Variants in HRNR observed in about 807,000 individuals in gnomAD.
HRNR encodes hornerin.
Under a neutral mutation model 4.8 loss-of-function variants are expected in HRNR, and 7 were observed. The observed-to-expected ratio is 1.47, with a 90% CI of 0.83 to 2.75. The LOEUF (loss-of-function observed/expected upper bound fraction) is 2.75, where lower values mean the gene tolerates loss of function less well. Ranked by LOEUF, HRNR falls within the 30% of genes most tolerant of loss-of-function variation. The pLI is 0.00. For missense variants in HRNR, 2,879 were observed against 3,010.4 expected (o/e 0.96, Z 1.02); for synonymous variants, 1,023 against 1,242.7 (o/e 0.82, Z 3.72).
At chr1:152,222,591 G>C (rs752233466) in intron 2 of HRNR, among the ~76,000 whole-genome samples, 3 of 152,124 alleles carry the variant, frequency 2.0e-5, no homozygotes, top group Admixed American at 6.5e-5. Flanking sequence ...GAAGGAAAAA[G>C]GTTAGTGGGG....
At position 152,220,246 on chromosome 1, in the gene HRNR, G is replaced by T; in HGVS notation, c.1383C>A (p.Tyr461Ter). 6.2e-7 allele frequency: 1 copy of T among 1,613,214 alleles called. No individual in the cohort carries two copies. The highest frequency in any genetic ancestry group is 8.5e-7 in the Non-Finnish European group (1 of 1,179,564). Residue 461 changes from tyrosine (Y) to a stop codon, truncating the protein, a stop_gained, in exon 3 of 3, where the codon TAC becomes TAA. Transcript: ENST00000368801. LOFTEE classifies it low-confidence loss of function (END_TRUNC). ...SSGPYVSGSG[Y>*]SSGFGHHESS... ...ACTCGTGGTGACCAAAGCCAGAAGA[G>T]TAGCCTGAACCAGACACATATGGGC...
chr1:152,219,855 C>T lies in HRNR; in HGVS notation c.1774G>A (p.Gly592Arg), dbSNP rs1648877531. The T allele has an allele frequency of 6.2e-7, 1 of 1,613,866 alleles. No homozygotes were observed. The highest frequency in any genetic ancestry group is 1.3e-5 in the African/African-American group (1 of 74,856). Reference sequence around the variant, plus strand: ...TGTTGACCGTAGCCAGAGGACTGTCCTGAGCGAGACTCTTGGTGACCTAAG... The same window carrying T: ...TGTTGACCGTAGCCAGAGGACTGTCTTGAGCGAGACTCTTGGTGACCTAAG... ...SGLGHQESRSGQSSGYGQHGS... is the reference protein window; with the variant it reads ...SGLGHQESRSRQSSGYGQHGS... The change falls in exon 3 of 3, where the codon GGA becomes AGA. Residue 592 changes from glycine (G) to arginine (R), a missense_variant. Transcript: ENST00000368801.
chr1:152,218,573 C>T lies in HRNR; in HGVS notation c.3056G>A (p.Gly1019Glu). The change falls in exon 3 of 3, where the codon GGG (glycine) becomes GAG (glutamate). Residue 1019 changes from glycine (G) to glutamate (E), a missense_variant. Gly to Glu is a moderately conservative substitution (Grantham distance 98). This residue lies in a region of HRNR where 2,646 missense variants were observed against 1,377.7 expected (regional missense o/e 1.92). Coordinates refer to ENST00000368801, the MANE Select transcript of HRNR (RefSeq NM_001009931.3). ...ATATGGGCCATAGCTGGAAGACTGCCCGGAACCAGACCCATGTCGGCCACG... is the reference window on the plus strand; with the variant it reads ...ATATGGGCCATAGCTGGAAGACTGCTCGGAACCAGACCCATGTCGGCCACG... ...PSRGRHGSGS[G>E]QSSSYGPYRS... 1 of 1,613,836 alleles carries T rather than the reference C, an allele frequency of 6.2e-7. No homozygotes were observed. Among genetic ancestry groups the T allele is most frequent in the Non-Finnish European group, 8.5e-7 (1 of 1,179,934 alleles).
In HRNR at chr1:152,219,941, T is replaced by C. The variant is rs150531413; in HGVS notation, c.1688A>G (p.Tyr563Cys). The change falls in exon 3 of 3, where the codon TAT (tyrosine) becomes TGT (cysteine). Residue 563 changes from tyrosine to cysteine, a missense_variant. Tyr to Cys is a radical substitution (Grantham distance 194, BLOSUM62 -2). Around this residue, in one of 8 missense-constraint regions of HRNR, gnomAD observed 2,646 missense variants for 1,377.7 expected, o/e 1.92. Coordinates refer to ENST00000368801, the MANE Select transcript of HRNR (RefSeq NM_001009931.3). ...ACGGCTTGAAGACCTCCCTGAGCCA[T>C]ACCCATGTGGGCCATAGCTGGAAGA... ...RQSSSYGPHG[Y>C]GSGRSSSRGP... is the part of the protein sequence containing the mutation. 6.2e-7 allele frequency: 1 copy of C among 1,604,148 alleles called. No homozygotes were observed. The highest frequency in any genetic ancestry group is 2.3e-5 in the East Asian group (1 of 44,236).
In HRNR at chr1:152,219,734, T is replaced by C. The variant is rs749142100; in HGVS notation, c.1895A>G (p.Gln632Arg). ...GCCATGCTGACCGTGGCTGGAAGAC[T>C]GACCTGAGGTAGCTCCATGTTGGCC... Reference protein sequence around the residue: ...SCGQHGATSGQSSSHGQHGSG... With the variant: ...SCGQHGATSGRSSSHGQHGSG... The change falls in exon 3 of 3, where the codon CAG becomes CGG. Residue 632 changes from glutamine to arginine, a missense_variant. Gln to Arg is a conservative substitution (Grantham distance 43, BLOSUM62 1). Coordinates refer to ENST00000368801, the MANE Select transcript of HRNR (RefSeq NM_001009931.3). 1.2e-6 allele frequency: 2 copies of C among 1,612,906 alleles called. No individual in the cohort carries two copies. The highest frequency in any genetic ancestry group is 8.5e-7 in the Non-Finnish European group (1 of 1,179,550).
chr1:152,223,022 A>C (rs1207221717), intron 2 of HRNR, 94 bp downstream of exon 2: 3 of 1,296,298 alleles, frequency 2.3e-6, no homozygotes, highest in African/African-American at 2.9e-5. Context: ...AAGTAAGGAC[A>C]ATCCTCTAGG....
rs577952034 is a variant in HRNR, at chr1:152,219,126, A to G, written c.2503T>C (p.Ser835Pro). ...GQGYSQHGSA[S>P]GHFSSQGRHG... is the part of the protein sequence containing the mutation. ...CGTCCCTGGCTAGAGAAGTGACCTG[A>G]GGCAGAACCATGCTGACTATAGCCC... The change falls in exon 3 of 3, where the codon TCA (serine) becomes CCA (proline). Residue 835 changes from serine (S) to proline (P), a missense_variant. This residue lies in a region of HRNR where 2,646 missense variants were observed against 1,377.7 expected (regional missense o/e 1.92). Transcript: ENST00000368801. 6.2e-7 allele frequency: 1 copy of G among 1,613,682 alleles called. No homozygotes were observed. Among genetic ancestry groups the G allele is most frequent in the Admixed American group, 1.7e-5 (1 of 59,978 alleles).
Position 152,219,264 on chromosome 1 carries a change from A to T in HRNR, c.2365T>A (p.Ser789Thr). The T allele has an allele frequency of 6.2e-7, 1 of 1,612,512 alleles. No individual in the cohort carries two copies. The highest frequency in any genetic ancestry group is 8.5e-7 in the Non-Finnish European group (1 of 1,179,386). Reference sequence around the variant, plus strand: ...CCAGACCCGTGTTGGCCGTGGCTGGAGGAGTGCCCTGAACTGGACCCATGT... The same window carrying T: ...CCAGACCCGTGTTGGCCGTGGCTGGTGGAGTGCCCTGAACTGGACCCATGT... ...VRHGSSSGHS[S>T]SHGQHGSGTS... The change falls in exon 3 of 3, where the codon TCC becomes ACC. Residue 789 changes from serine (S) to threonine (T), a missense_variant. This residue lies in a region of HRNR where 2,646 missense variants were observed against 1,377.7 expected (regional missense o/e 1.92). Coordinates refer to ENST00000368801, the MANE Select transcript of HRNR (RefSeq NM_001009931.3).
At position 152,218,970 on chromosome 1, in the gene HRNR, A is replaced by T; in HGVS notation, c.2659T>A (p.Ser887Thr). The T allele has an allele frequency of 3.1e-6, 5 of 1,608,622 alleles. No homozygotes were observed. The highest frequency in any genetic ancestry group is 2.3e-5 in the South Asian group (2 of 86,088). ...ASGRGRHGSG[S>T]GQSPGHGQRG... ...TGGCCGTGGCCTGGAGACTGGCCAG[A>T]TCCAGAGCCATGTCGGCCGCGGCCC... The change falls in exon 3 of 3, where the codon TCT becomes ACT. Residue 887 changes from serine (S) to threonine (T), a missense_variant. Coordinates refer to ENST00000368801, the MANE Select transcript of HRNR (RefSeq NM_001009931.3).
Position 152,218,452 on chromosome 1 carries a change from C to G in HRNR, c.3177G>C (p.Gln1059His), listed in dbSNP as rs1292276570. 6 of 1,613,800 alleles carry G rather than the reference C, an allele frequency of 3.7e-6. No individual in the cohort carries two copies. In the Admixed American group the frequency reaches 6.7e-5, roughly 18 times the overall value. The part of the protein sequence containing the change: ...GLGHRESRSG[Q>H]SSGYGQHGSS... ...ATCCATGTTGACCGTAGCCAGAGGA[C>G]TGTCCTGAGCGAGACTCTCGGTGAC... Residue 1059 changes from glutamine to histidine, a missense_variant, in exon 3 of 3, where the codon CAG becomes CAC. Gln to His is a conservative substitution (Grantham distance 24). Around this residue, in one of 8 missense-constraint regions of HRNR, gnomAD observed 2,646 missense variants for 1,377.7 expected, o/e 1.92. Coordinates refer to ENST00000368801, the MANE Select transcript of HRNR (RefSeq NM_001009931.3).
rs376146708 is a variant in HRNR at position 152,218,904 on chromosome 1, G to A, written c.2725C>T (p.His909Tyr). The A allele has an allele frequency of 1.2e-5, 19 of 1,613,452 alleles. No homozygotes were observed. Among genetic ancestry groups the A allele is most frequent in the Non-Finnish European group, 1.4e-5 (16 of 1,179,856 alleles). The change falls in exon 3 of 3, where the codon CAT becomes TAT. Residue 909 changes from histidine to tyrosine, a missense_variant. His to Tyr is a moderately conservative substitution (Grantham distance 83). This residue lies in a region of HRNR where 2,646 missense variants were observed against 1,377.7 expected (regional missense o/e 1.92). Transcript: ENST00000368801. ...GSGQSPSYGR[H>Y]GSGSGRSSSS... ...GAAGACCGACCGGAGCCAGACCCAT[G>A]TCGGCCATAGCTGGGAGACTGCCCT...
rs1185229678 is a variant in HRNR at position 152,221,424 on chromosome 1, C to G, written c.205G>C (p.Val69Leu). ...QSLDRDHNKK[V>L]DFTEYLLMIF... ...ATCAGAAGATACTCAGTAAAATCCA[C>G]TTTCTTGTTATGGTCTCGATCCAGA... The change falls in exon 3 of 3, where the codon GTG becomes CTG. Residue 69 changes from valine (V) to leucine (L), a missense_variant. Val to Leu is a conservative substitution (Grantham distance 32). This residue lies in a region of HRNR where 2,646 missense variants were observed against 1,377.7 expected (regional missense o/e 1.92). Transcript: ENST00000368801. The G allele has an allele frequency of 1.2e-6, 2 of 1,613,464 alleles. No homozygotes were observed. The highest frequency in any genetic ancestry group is 1.1e-5 in the South Asian group (1 of 90,902).
Position 152,218,791 on chromosome 1 carries a change from C to G in HRNR, c.2838G>C (p.Gln946His). 10 of 1,613,560 alleles carry G rather than the reference C, an allele frequency of 6.2e-6. No homozygotes were observed. Among genetic ancestry groups the G allele is most frequent in the Non-Finnish European group, 8.5e-6 (10 of 1,179,924 alleles). The change falls in exon 3 of 3, where the codon CAG becomes CAC. Residue 946 changes from glutamine to histidine, a missense_variant. Around this residue, in one of 8 missense-constraint regions of HRNR, gnomAD observed 2,646 missense variants for 1,377.7 expected, o/e 1.92. Coordinates refer to ENST00000368801, the MANE Select transcript of HRNR (RefSeq NM_001009931.3). ...SSSGQSSGYT[Q>H]HGSGSGHSSS... ...AGGAGTGACCTGAGCCAGATCCATGCTGAGTGTAACCAGAGGACTGCCCTG... is the reference window on the plus strand; with the variant it reads ...AGGAGTGACCTGAGCCAGATCCATGGTGAGTGTAACCAGAGGACTGCCCTG...
At chr1:152,222,023 C>T (rs1172480604) in intron 2 of HRNR, among the ~76,000 whole-genome samples, 1 of 152,062 alleles carries the variant, frequency 6.6e-6, no homozygotes, top group Non-Finnish European at 1.5e-5. Context: ...AAGGTTTCTA[C>T]AAGAGTACAT....
Position 152,220,296 on chromosome 1 carries a change from C to G in HRNR, c.1333G>C (p.Gly445Arg), listed in dbSNP as rs1009766410. The stretch of plus-strand genomic sequence containing the variant: ...CCACTGCTGGAAGATCGACCAAAGC[C>G]AGTCCCATGTTGGCCGGAGCTGGGA... ...QSPSSGQHGT[G>R]FGRSSSSGPY... Residue 445 changes from glycine to arginine, a missense_variant, in exon 3 of 3, where the codon GGC becomes CGC. Gly to Arg is a moderately radical substitution (Grantham distance 125). Around this residue, in one of 8 missense-constraint regions of HRNR, gnomAD observed 2,646 missense variants for 1,377.7 expected, o/e 1.92. Transcript: ENST00000368801. The G allele has an allele frequency of 5.0e-6, 8 of 1,614,108 alleles. No homozygotes were observed. Among genetic ancestry groups the G allele is most frequent in the Non-Finnish European group, 5.9e-6 (7 of 1,180,010 alleles).
chr1:152,218,540 C>T lies in HRNR; in HGVS notation c.3089G>A (p.Gly1030Asp). ...GCCACGGCTTGAAGACCACCCTGAG[C>T]CAGACCTATATGGGCCATAGCTGGA... ...QSSSYGPYRSGSGWSSSRGPY... is the reference protein window; with the variant it reads ...QSSSYGPYRSDSGWSSSRGPY... Residue 1030 changes from glycine (G) to aspartate (D), a missense_variant, in exon 3 of 3, where the codon GGC (glycine) becomes GAC (aspartate). This residue lies in a region of HRNR where 2,646 missense variants were observed against 1,377.7 expected (regional missense o/e 1.92). Transcript: ENST00000368801. The T allele has an allele frequency of 2.5e-6, 4 of 1,613,634 alleles. No homozygotes were observed. Among genetic ancestry groups the T allele is most frequent in the South Asian group, 1.1e-5 (1 of 91,050 alleles).
rs767214189 is a variant in HRNR at position 152,221,437 on chromosome 1, GT to G, written c.191del (p.Asp64AlafsTer13). ...VDIILQSLDR[D>X]HNKKVDFTEY... ...CAGTAAAATCCACTTTCTTGTTATG[GT>G]CTCGATCCAGACTTTGCAAGATGAT... On this transcript the variant is annotated frameshift_variant, in exon 3 of 3. Transcript: ENST00000368801. LOFTEE classifies it low-confidence loss of function (END_TRUNC). 22 of 1,612,810 alleles carry G rather than the reference GT, an allele frequency of 1.4e-5. No individual in the cohort carries two copies. In the East Asian group the frequency reaches 4.9e-4, roughly 36 times the overall value.
At position 152,220,048 on chromosome 1, in the gene HRNR, A is replaced by G. The variant is rs369444302; in HGVS notation, c.1581T>C (p.Ser527=). ...CAGACCCATGTCGGCTGTGTCCCAA[A>G]GATTGACGGGAGCCAGACCCATGCT... ...YGQHGSGSRQ[S]LGHSRHGSGS... Residue 527 remains serine (S), a synonymous_variant, in exon 3 of 3, where the codon TCT becomes TCC. Coordinates refer to ENST00000368801, the MANE Select transcript of HRNR (RefSeq NM_001009931.3). 1.1e-5 allele frequency: 17 copies of G among 1,613,866 alleles called. No homozygotes were observed. The highest frequency in any genetic ancestry group is 1.3e-5 in the African/African-American group (1 of 74,866).
rs752470783 is a variant in HRNR at position 152,221,218 on chromosome 1, A to G, written c.411T>C (p.Asn137=). ...CTCTGACGTTTCTGGAATAGGAATC[A>G]TTCTCTCCTGCACTCCAACTTGAAT... The part of the protein sequence containing the change: ...FSHSSWSAGE[N]DSYSRNVRGS... Residue 137 remains asparagine (N), a synonymous_variant, in exon 3 of 3, where the codon AAT becomes AAC. Coordinates refer to ENST00000368801, the MANE Select transcript of HRNR (RefSeq NM_001009931.3). The G allele has an allele frequency of 3.1e-6, 5 of 1,614,190 alleles. No homozygotes were observed. The highest frequency in any genetic ancestry group is 4.2e-6 in the Non-Finnish European group (5 of 1,180,038).
Sources: allele counts gnomAD v4.1 joint callset (sites outside exome capture counted in the v4.1 genomes callset), GRCh38; gene constraint gnomAD v4.1.1; regional missense constraint gnomAD v4.1.1; transcripts MANE v1.5; gene names NCBI Gene and HGNC (gene_info 2026-07-23, HGNC 2026-07-21).